Variants in KPNA3 observed in about 807,000 individuals in gnomAD.
KPNA3 encodes karyopherin subunit alpha 3.
A neutral mutation model predicts 73.8 loss-of-function variants in KPNA3; 13 were observed. The observed-to-expected ratio is 0.18, with a 90% confidence interval of 0.11 to 0.28. The LOEUF is 0.28. Among genes scored for constraint, KPNA3 ranks in the 10% least tolerant of loss-of-function variants. The pLI is 1.00. For missense variants in KPNA3, 360 were observed against 618.1 expected (o/e 0.58, Z 4.43); for synonymous variants, 186 against 206.9 (o/e 0.90, Z 0.87).
chr13:49,753,181 C>T (rs1050902419), intron 1 of KPNA3, among the ~76,000 whole-genome samples: 2 of 150,990 alleles, frequency 1.3e-5, no homozygotes, highest in African/African-American at 2.4e-5. Flanking sequence ...TCAAAAAAAA[C>T]TTCCTGAAAT....
chr13:49,732,866 T>C, intron 3 of KPNA3, 90 bp from the exon 4 acceptor site: 1 of 1,309,740 alleles, frequency 7.6e-7, no homozygotes, highest in Non-Finnish European at 1.1e-6. Flanking sequence ...ACTTTCATTA[T>C]CATTATAAAG....
intron 6 of KPNA3, among the ~76,000 whole-genome samples, chr13:49,731,912 G>A (rs1015876993): frequency 2.0e-5 from 3 of 152,184 alleles, no homozygotes; most frequent in Admixed American, 6.5e-5. Flanking sequence ...CATGGATGAA[G>A]TTCTGTTAAA....
At position 49,700,609 on chromosome 13, in the gene KPNA3, C is replaced by G. The variant is rs1043666418; in HGVS notation, c.*1191G>C. On this transcript the variant is annotated 3_prime_UTR_variant, in exon 17 of 17. Transcript: ENST00000261667. ...CTGAATCTTTTAATATGTGAAGATGCTTTTTGAGTAGGATCTGAATTAACT... is the reference window on the plus strand; with the variant it reads ...CTGAATCTTTTAATATGTGAAGATGGTTTTTGAGTAGGATCTGAATTAACT... 1 of 152,618 alleles carries G rather than the reference C, an allele frequency of 6.6e-6. No individual in the cohort carries two copies. The highest frequency in any genetic ancestry group is 2.4e-5 in the African/African-American group (1 of 41,448). 9.5% of individuals were successfully genotyped at this position (152,618 alleles called of 1,614,324 possible). A position where few individuals can be genotyped will look rare whatever the true frequency, so the allele number is the denominator to read the frequency against.
chr13:49,742,478 T>G (rs535192507), intron 2 of KPNA3, among the ~76,000 whole-genome samples: 4 of 152,066 alleles, frequency 2.6e-5, no homozygotes, highest in African/African-American at 9.7e-5. Flanking sequence ...GTGTGTGTGT[T>G]TTTATGTCTC....
At position 49,705,789 on chromosome 13, in the gene KPNA3, CA is replaced by C. The variant is rs1954202215; in HGVS notation, c.1210-7del. On this transcript the variant is annotated splice_region_variant and splice_polypyrimidine_tract_variant and intron_variant, in intron 14 of 16. Transcript: ENST00000261667. Reference sequence around the variant, plus strand: ...TGCTGTACAAGGTACTCAACCTAGACAACAAAAGAGAAGAAATATTTTTATT... The same window carrying C: ...TGCTGTACAAGGTACTCAACCTAGACACAAAAGAGAAGAAATATTTTTATT... The C allele has an allele frequency of 1.9e-6, 3 of 1,573,114 alleles. No homozygotes were observed. Among genetic ancestry groups the C allele is most frequent in the Non-Finnish European group, 2.6e-6 (3 of 1,162,150 alleles).
At chr13:49,777,352 A>T (rs571613891) in intron 1 of KPNA3, among the ~76,000 whole-genome samples, 1 of 152,308 alleles carries the variant, frequency 6.6e-6, no homozygotes, top group African/African-American at 2.4e-5. Flanking sequence ...ACCTCCTAAT[A>T]CCAAAATCCA....
At chr13:49,705,101 G>A (rs1954193497) in intron 15 of KPNA3, among the ~76,000 whole-genome samples, 1 of 152,172 alleles carries the variant, frequency 6.6e-6, no homozygotes, top group Non-Finnish European at 1.5e-5. Context: ...GCTCATGCCT[G>A]TAATCCCAGC....
At chr13:49,707,244 G>A (rs7996015) in intron 12 of KPNA3, among the ~76,000 whole-genome samples, 6,733 of 152,062 alleles carry the variant, frequency 0.044, 478 homozygotes, top group African/African-American at 0.15. Flanking sequence ...TCATAAACAC[G>A]TCTGTGAGCT....
At position 49,701,356 on chromosome 13, in the gene KPNA3, C is replaced by A; in HGVS notation, c.*444G>T. The A allele has an allele frequency of 3.5e-6, 1 of 282,122 alleles. No homozygotes were observed. The highest frequency in any genetic ancestry group is 7.6e-6 in the Non-Finnish European group (1 of 131,852). The allele number at this position is 282,122 out of a possible 1,614,324, so 17.5% of individuals were successfully genotyped here. On this transcript the variant is annotated 3_prime_UTR_variant, in exon 17 of 17. Transcript: ENST00000261667. ...AATATGAAAATATGTTTGTGGAGGA[C>A]AATGATGGAGGCTCAGATCACACTG...
At chr13:49,712,344 T>C (rs756948004) in intron 10 of KPNA3, among the ~76,000 whole-genome samples, 3 of 151,952 alleles carry the variant, frequency 2.0e-5, no homozygotes, top group Non-Finnish European at 2.9e-5. Context: ...AAAGTAACTA[T>C]CATAAAAATG....
chr13:49,716,831 C>T (rs1954308416), intron 10 of KPNA3, among the ~76,000 whole-genome samples: 1 of 152,126 alleles, frequency 6.6e-6, no homozygotes, highest in African/African-American at 2.4e-5. Flanking sequence ...CATTTTTAGC[C>T]CTCCTTCCGA....
chr13:49,701,379 C>G lies in KPNA3; in HGVS notation c.*421G>C, dbSNP rs7446. The G allele has an allele frequency of 5.2e-6, 2 of 386,872 alleles. No homozygotes were observed. Among genetic ancestry groups the G allele is most frequent in the Non-Finnish European group, 1.1e-5 (2 of 183,870 alleles). The allele number at this position is 386,872 out of a possible 1,614,324, so 24.0% of individuals were successfully genotyped here. A position where few individuals can be genotyped will look rare whatever the true frequency, so the allele number is the denominator to read the frequency against. On this transcript the variant is annotated 3_prime_UTR_variant, in exon 17 of 17. Transcript: ENST00000261667. ...GACAATGATGGAGGCTCAGATCACA[C>G]TGCACCTCTTTAGTCTTCCAACTTG...
intron 1 of KPNA3, among the ~76,000 whole-genome samples, chr13:49,768,365 T>A (rs1954826214): frequency 6.6e-6 from 1 of 151,674 alleles, no homozygotes; most frequent in African/African-American, 2.4e-5. Flanking sequence ...GTATTTAAAA[T>A]GGACAGTATG....
chr13:49,758,470 C>A (rs1954730349), intron 1 of KPNA3, among the ~76,000 whole-genome samples: 1 of 152,112 alleles, frequency 6.6e-6, no homozygotes, highest in Admixed American at 6.5e-5. Context: ...TTCTCGGTAA[C>A]CCTATTACTG....
Position 49,725,588 on chromosome 13 carries a change from T to C in KPNA3, c.384-87A>G, listed in dbSNP as rs188949457. The C allele has an allele frequency of 6.7e-5, 53 of 793,584 alleles. 1 individual carries two copies. In the Admixed American group the frequency reaches 1.3e-3, roughly 20 times the overall value. 49.2% of individuals were successfully genotyped at this position (793,584 alleles called of 1,614,324 possible). ...TAAGACTGATAAGATATGGCTATTC[T>C]TTGCCTTGTCCTTGAATTTCACCTT... is the stretch of plus-strand genomic sequence containing the variant. On this transcript the variant is annotated intron_variant, in intron 6 of 16. Transcript: ENST00000261667.
chr13:49,701,746 C>A lies in KPNA3; in HGVS notation c.*54G>T. ...TGCTGTTGTTCTTATCATTTGGTAG[C>A]CATCTGGTGGTGCTTCATATTGAAT... On this transcript the variant is annotated 3_prime_UTR_variant, in exon 17 of 17. Transcript: ENST00000261667. The A allele has an allele frequency of 9.6e-7, 1 of 1,037,132 alleles. No individual in the cohort carries two copies. The highest frequency in any genetic ancestry group is 1.3e-5 in the South Asian group (1 of 79,006). The allele number at this position is 1,037,132 out of a possible 1,614,324, so 64.2% of individuals were successfully genotyped here. A position where few individuals can be genotyped will look rare whatever the true frequency, so the allele number is the denominator to read the frequency against.
chr13:49,753,417 T>C (rs1315928354), intron 1 of KPNA3, among the ~76,000 whole-genome samples: 5 of 152,220 alleles, frequency 3.3e-5, no homozygotes, highest in African/African-American at 9.6e-5. Flanking sequence ...AAAACAACTG[T>C]TATAAACACA....
At chr13:49,783,541 G>A (rs990439212) in intron 1 of KPNA3, among the ~76,000 whole-genome samples, 7 of 152,042 alleles carry the variant, frequency 4.6e-5, no homozygotes, top group African/African-American at 1.4e-4. Context: ...TCAGCCCTAC[G>A]AATCCACAGG....
At chr13:49,775,984 A>G (rs1311621386) in intron 1 of KPNA3, among the ~76,000 whole-genome samples, 2 of 152,228 alleles carry the variant, frequency 1.3e-5, no homozygotes, top group African/African-American at 4.8e-5. Flanking sequence ...AGAGTTCAAC[A>G]GGATACACAA....
Sources: allele counts gnomAD v4.1 joint callset (sites outside exome capture counted in the v4.1 genomes callset), GRCh38; gene constraint gnomAD v4.1.1; transcripts MANE v1.5; gene names NCBI Gene and HGNC (gene_info 2026-07-23, HGNC 2026-07-21).